EVL: variants seen among roughly 807,000 people sequenced by gnomAD.
EVL encodes Enah/Vasp-like.
Under a neutral mutation model 59.6 loss-of-function variants are expected in EVL, and 21 were observed. The observed-to-expected ratio is 0.35, with a 90% CI of 0.25 to 0.51. The LOEUF is 0.51. Among genes scored for constraint, EVL ranks in the 20% least tolerant of loss-of-function variants. EVL has a pLI of 0.97. For synonymous variants in EVL, 198 were observed against 203.5 expected, an observed-to-expected ratio of 0.97 and a Z score of 0.23; for missense variants, 462 against 546.6, an observed-to-expected ratio of 0.85 and a Z score of 1.54.
At chr14:100,077,675 G>A (rs947253610) in intron 1 of EVL, among the ~76,000 whole-genome samples, 5 of 152,162 alleles carry the variant, frequency 3.3e-5, no homozygotes. Flanking sequence ...ACCCCGCCCC[G>A]CCTGAGACTT....
At chr14:100,119,230 C>T (rs1887542511) in intron 3 of EVL, among the ~76,000 whole-genome samples, 1 of 152,216 alleles carries the variant, frequency 6.6e-6, no homozygotes, top group African/African-American at 2.4e-5. Flanking sequence ...AATTTCTTCT[C>T]ATGCTTGTTT....
chr14:99,984,560 T>A (rs2060827908), intron 1 of EVL, among the ~76,000 whole-genome samples: 1 of 152,198 alleles, frequency 6.6e-6, no homozygotes, highest in Admixed American at 6.5e-5. Flanking sequence ...TGCACACATA[T>A]AGTTTCTCCT....
intron 1 of EVL, among the ~76,000 whole-genome samples, chr14:100,003,740 AT>A (rs1009720440): frequency 6.6e-6 from 1 of 152,142 alleles, no homozygotes. Flanking sequence ...TTAAAAAAAA[AT>A]TTTTTTTAAT....
intron 1 of EVL, among the ~76,000 whole-genome samples, chr14:100,055,197 A>T (rs751109052): frequency 9.6e-5 from 11 of 114,766 alleles, no homozygotes; most frequent in African/African-American, 1.2e-4. Context: ...GAGACTCCTT[A>T]AAAAAAAAAA....
chr14:100,125,045 TAGACAC>T (rs1383052170), intron 4 of EVL, among the ~76,000 whole-genome samples: 1 of 126,372 alleles, frequency 7.9e-6, no homozygotes, highest in African/African-American at 4.0e-5. Flanking sequence ...CACATGTGGA[TAGACAC>T]ACACACACAC....
At chr14:99,981,357 G>A (rs183542873) in intron 1 of EVL, among the ~76,000 whole-genome samples, 5 of 152,242 alleles carry the variant, frequency 3.3e-5, no homozygotes, top group East Asian at 3.9e-4. Flanking sequence ...GCTTGAACCC[G>A]GGATGGGGAG....
chr14:100,118,579 G>A (rs979700996), intron 3 of EVL, among the ~76,000 whole-genome samples: 27 of 152,152 alleles, frequency 1.8e-4, no homozygotes, highest in African/African-American at 5.8e-4. Context: ...TGCCAGACGG[G>A]AGCCCGCCTC....
chr14:100,112,007 T>C (rs1448303985), intron 3 of EVL, among the ~76,000 whole-genome samples: 1 of 152,246 alleles, frequency 6.6e-6, no homozygotes, highest in Non-Finnish European at 1.5e-5. Flanking sequence ...CTGCCCCATC[T>C]TTCTAGCCAC....
At chr14:100,082,256 A>G (rs1473538272) in intron 1 of EVL, among the ~76,000 whole-genome samples, 1 of 151,260 alleles carries the variant, frequency 6.6e-6, no homozygotes, top group South Asian at 2.1e-4. Flanking sequence ...CACTGAGGGC[A>G]GGTACTGTTC....
intron 12 of EVL, 99 bp from the exon 13 acceptor site, chr14:100,141,637 G>A: frequency 1.8e-6 from 2 of 1,109,202 alleles, no homozygotes. Flanking sequence ...ACTCTGGAGA[G>A]GCCCAGGAGA....
intron 1 of EVL, among the ~76,000 whole-genome samples, chr14:99,993,337 C>T (rs1358025471): frequency 1.3e-5 from 2 of 152,082 alleles, no homozygotes; most frequent in East Asian, 1.9e-4. Flanking sequence ...GGATTACAGG[C>T]GTGAGCCACC....
chr14:100,084,863 C>T lies in EVL; in HGVS notation c.180+8C>T. ...AAGTTGCAGGATCAGCAGGTCAGTGCTGGAATTACAGATTATACCCGTGAG... is the reference window on the plus strand; with the variant it reads ...AAGTTGCAGGATCAGCAGGTCAGTGTTGGAATTACAGATTATACCCGTGAG... On this transcript the variant is annotated splice_region_variant and intron_variant, in intron 2 of 13. Coordinates refer to ENST00000392920, the MANE Select transcript of EVL (RefSeq NM_016337.3). The T allele has an allele frequency of 6.2e-7, 1 of 1,613,868 alleles. No individual in the cohort carries two copies. The highest frequency in any genetic ancestry group is 1.3e-5 in the African/African-American group (1 of 75,030).
chr14:100,011,805 C>G (rs2140193197), intron 1 of EVL, among the ~76,000 whole-genome samples: 1 of 152,274 alleles, frequency 6.6e-6, no homozygotes, highest in Admixed American at 6.5e-5. Flanking sequence ...CCTGCCTTAT[C>G]AAGATCTCAA....
At chr14:100,041,553 A>G (rs549764973) in intron 1 of EVL, among the ~76,000 whole-genome samples, 1 of 152,330 alleles carries the variant, frequency 6.6e-6, no homozygotes, top group African/African-American at 2.4e-5. Context: ...TCTCATATTT[A>G]AAGTGGAAAT....
intron 1 of EVL, among the ~76,000 whole-genome samples, chr14:100,041,427 TA>T (rs1400006971): frequency 2.0e-5 from 3 of 152,258 alleles, no homozygotes; most frequent in Non-Finnish European, 4.4e-5. Context: ...GGTGCAAATA[TA>T]AAAGAAGGCA....
At chr14:100,011,166 A>G (rs1053981232) in intron 1 of EVL, among the ~76,000 whole-genome samples, 1 of 152,248 alleles carries the variant, frequency 6.6e-6, no homozygotes, top group African/African-American at 2.4e-5. Context: ...GATATTTTGA[A>G]GATTTTTAGA....
chr14:99,988,626 T>C (rs182139295), intron 1 of EVL, among the ~76,000 whole-genome samples: 2 of 152,312 alleles, frequency 1.3e-5, no homozygotes, highest in African/African-American at 4.8e-5. Context: ...ACACAGAACT[T>C]ATACACAAAT....
chr14:100,023,208 T>A (rs77124166), intron 1 of EVL, among the ~76,000 whole-genome samples: 1 of 123,850 alleles, frequency 8.1e-6, no homozygotes, highest in Non-Finnish European at 1.5e-5. Context: ...TTTTTTTTTT[T>A]AATTTTTTTT....
intron 1 of EVL, chr14:100,066,466 A>T (rs1004267744): frequency 2.0e-5 from 3 of 152,262 alleles, no homozygotes; most frequent in African/African-American, 7.2e-5. Flanking sequence ...AGCACGCTAC[A>T]CAGGCACAGA....
Sources: gnomAD v4.1 joint callset for allele counts (sites outside exome capture counted in the v4.1 genomes callset) on GRCh38, gnomAD v4.1.1 for gene constraint, MANE v1.5 for transcripts, NCBI Gene and HGNC (gene_info 2026-07-23, HGNC 2026-07-21) for gene names.